Variants in ATL1 observed in about 807,000 individuals in gnomAD.
The protein encoded by ATL1 is atlastin-1.
A neutral mutation model predicts 75.5 loss-of-function variants in ATL1; 31 were observed. The ratio of observed to expected loss-of-function variants is 0.41; its 90% CI spans 0.31 to 0.55. The LOEUF (loss-of-function observed/expected upper bound fraction) is 0.55, where lower values mean the gene tolerates loss of function less well. Among genes scored for constraint, ATL1 ranks in the 20% least tolerant of loss-of-function variants. The pLI is 0.27. For missense variants in ATL1, 405 were observed against 662.6 expected, an observed-to-expected ratio of 0.61 and a Z score of 4.27; for synonymous variants, 226 against 233.3, an observed-to-expected ratio of 0.97 and a Z score of 0.28.
At chr14:50,536,483 C>T (rs1358559673) in intron 1 of ATL1, among the ~76,000 whole-genome samples, 2 of 150,592 alleles carry the variant, frequency 1.3e-5, no homozygotes, top group East Asian at 3.9e-4. Flanking sequence ...TGAGATGTTG[C>T]TGAAAAGTTA....
At chr14:50,575,418 T>C (rs1289379410) in intron 1 of ATL1, among the ~76,000 whole-genome samples, 2 of 152,198 alleles carry the variant, frequency 1.3e-5, no homozygotes, top group Non-Finnish European at 2.9e-5. Flanking sequence ...CTATTACATA[T>C]AATCCCATAT....
intron 6 of ATL1, among the ~76,000 whole-genome samples, chr14:50,596,418 A>G (rs2039217800): frequency 6.6e-6 from 1 of 152,260 alleles, no homozygotes; most frequent in Admixed American, 6.5e-5. Context: ...CTAACTATTG[A>G]TAAGTCAAGT....
intron 6 of ATL1, among the ~76,000 whole-genome samples, chr14:50,610,040 T>C (rs2039349198): frequency 6.6e-6 from 1 of 151,914 alleles, no homozygotes; most frequent in Non-Finnish European, 1.5e-5. Flanking sequence ...TTATGTAAGC[T>C]TCAGGCCCCA....
chr14:50,542,667 CATT>C (rs2038580651), intron 1 of ATL1: 1 of 151,700 alleles, frequency 6.6e-6, no homozygotes, highest in African/African-American at 2.4e-5. Flanking sequence ...TTTTTCAACC[CATT>C]ATCTATAGGC....
chr14:50,595,716 C>CTTTTTATTT (rs1395449884), intron 6 of ATL1, 84 bp downstream of exon 6: 47 of 1,288,796 alleles, frequency 3.6e-5, no homozygotes, highest in Non-Finnish European at 5.1e-5. Flanking sequence ...GTCATGTTTC[C>CTTTTTATTT]TTCTCTTTTT....
intron 8 of ATL1, among the ~76,000 whole-genome samples, chr14:50,619,417 G>A (rs527338128): frequency 1.9e-4 from 29 of 152,122 alleles, no homozygotes; most frequent in African/African-American, 6.5e-4. Context: ...TGGCCAGGCT[G>A]GTCTCAGACT....
chr14:50,624,049 T>C (rs2039493572), intron 11 of ATL1, among the ~76,000 whole-genome samples: 1 of 152,152 alleles, frequency 6.6e-6, no homozygotes, highest in Non-Finnish European at 1.5e-5. Flanking sequence ...AGCAAGAATC[T>C]GTCTCAAAAA....
At chr14:50,596,605 C>T (rs1178510275) in intron 6 of ATL1, among the ~76,000 whole-genome samples, 5 of 152,134 alleles carry the variant, frequency 3.3e-5, no homozygotes, top group Non-Finnish European at 5.9e-5. Flanking sequence ...CCACAATTTT[C>T]GAAGGATTGA....
chr14:50,617,850 A>G (rs891069915), intron 8 of ATL1, among the ~76,000 whole-genome samples: 1 of 152,228 alleles, frequency 6.6e-6, no homozygotes, highest in Non-Finnish European at 1.5e-5. Context: ...ACTGTGTTCA[A>G]CTAACATTAG....
At chr14:50,621,955 G>A (rs1232164332) in intron 10 of ATL1, 56 bp downstream of exon 10, 1 of 1,212,584 alleles carries the variant, frequency 8.2e-7, no homozygotes. Flanking sequence ...TAAGATTTCT[G>A]GCTGTCAGAA....
chr14:50,615,056 A>G (rs2039401955), intron 8 of ATL1, among the ~76,000 whole-genome samples: 1 of 152,212 alleles, frequency 6.6e-6, no homozygotes, highest in Non-Finnish European at 1.5e-5. Flanking sequence ...GGATGTAATT[A>G]TGTCTTTAAT....
At chr14:50,553,443 A>T (rs1036494235) in intron 1 of ATL1, among the ~76,000 whole-genome samples, 1 of 136,842 alleles carries the variant, frequency 7.3e-6, no homozygotes, top group African/African-American at 2.8e-5. Flanking sequence ...TTTAAAAATT[A>T]AAAAAAAATA....
chr14:50,573,180 A>G (rs2038970172), intron 1 of ATL1, among the ~76,000 whole-genome samples: 1 of 152,214 alleles, frequency 6.6e-6, no homozygotes, highest in African/African-American at 2.4e-5. Flanking sequence ...GTGGGGACAC[A>G]GAGCCAGACC....
chr14:50,547,763 C>T lies in ATL1; in HGVS notation c.-139-12364C>T, dbSNP rs533884651. On this transcript the variant is annotated intron_variant, in intron 1 of 13. Coordinates refer to the ATL1 transcript ENST00000441560. ...ACTGCCACAGCAAGTAGTCCTTAAG[C>T]TGGGAAGTGTCCGTGCTATGATTGA... Among the ~76,000 whole-genome samples the T allele has an allele frequency of 6.6e-5, 10 of 152,306 alleles. No individual in the cohort carries two copies. In the South Asian group the frequency reaches 1.2e-3, roughly 19 times the overall value.
intron 4 of ATL1, among the ~76,000 whole-genome samples, chr14:50,592,997 GTA>G (rs1348850152): frequency 3.4e-5 from 5 of 147,314 alleles, no homozygotes; most frequent in Admixed American, 6.8e-5. Flanking sequence ...ACATATATCT[GTA>G]TATATATAAT....
At chr14:50,588,463 T>C (rs1025879013) in intron 2 of ATL1, among the ~76,000 whole-genome samples, 14 of 152,250 alleles carry the variant, frequency 9.2e-5, no homozygotes, top group Non-Finnish European at 2.1e-4. Context: ...AAAAAAATTT[T>C]ATACTAAACA....
chr14:50,585,100 C>T (rs2140198916), intron 1 of ATL1, among the ~76,000 whole-genome samples: 1 of 152,172 alleles, frequency 6.6e-6, no homozygotes, highest in East Asian at 1.9e-4. Flanking sequence ...CATTTTATAC[C>T]TCTGCAACTG....
chr14:50,557,466 T>C (rs1240238169), upstream of ATL1, among the ~76,000 whole-genome samples: 2 of 152,236 alleles, frequency 1.3e-5, no homozygotes, highest in Non-Finnish European at 2.9e-5. Flanking sequence ...TTTTTCCTCC[T>C]CATTTAACAT....
intron 8 of ATL1, among the ~76,000 whole-genome samples, chr14:50,617,062 C>T (rs561568887): frequency 1.3e-5 from 2 of 152,298 alleles, no homozygotes; most frequent in East Asian, 3.9e-4. Context: ...CTCATATACT[C>T]TTTCACACAC....
Sources: allele counts gnomAD v4.1 joint callset (sites outside exome capture counted in the v4.1 genomes callset), GRCh38; gene constraint gnomAD v4.1.1; transcripts MANE v1.5; gene names NCBI Gene and HGNC (gene_info 2026-07-23, HGNC 2026-07-21).